The following MAP3K11 variants were observed in gnomAD, a reference collection of about 807,000 sequenced individuals.
MAP3K11 encodes the protein SH3 domain-containing proline-rich kinase.
In MAP3K11, 46 loss-of-function variants were observed where a neutral mutation model predicts 84.9. The observed-to-expected ratio is 0.54, with a 90% CI of 0.43 to 0.69. MAP3K11 has a LOEUF of 0.69. Ranked by LOEUF, MAP3K11 falls within the 30% of genes least tolerant of loss-of-function variation. The pLI is 0.00. For missense variants in MAP3K11, 1,053 were observed against 1,198.3 expected, an observed-to-expected ratio of 0.88 and a Z score of 1.79; for synonymous variants, 527 against 514.7, an observed-to-expected ratio of 1.02 and a Z score of -0.32.
At position 65,607,267 on chromosome 11, in the gene MAP3K11, C is replaced by T; in HGVS notation, c.1489+3G>A. ...GGGGGACGCCCCGGGGCCCGGCCCTCACCGAGTGGCATGCTGATACGCTCG... is the reference window on the plus strand; with the variant it reads ...GGGGGACGCCCCGGGGCCCGGCCCTTACCGAGTGGCATGCTGATACGCTCG... On this transcript the variant is annotated splice_donor_region_variant and intron_variant, in intron 5 of 9. Transcript: ENST00000309100. The T allele has an allele frequency of 6.6e-7, 1 of 1,511,820 alleles. No individual in the cohort carries two copies. Among genetic ancestry groups the T allele is most frequent in the African/African-American group, 1.4e-5 (1 of 69,802 alleles). The allele number at this position is 1,511,820 out of a possible 1,614,324, so 93.7% of individuals were successfully genotyped here.
intron 6 of MAP3K11, 90 bp downstream of exon 6, chr11:65,606,601 T>TCC: frequency 2.1e-6 from 2 of 940,642 alleles, no homozygotes; most frequent in Non-Finnish European, 3.2e-6. Flanking sequence ...GAAGAGGGGA[T>TCC]AGTGAGTGGG....
Position 65,599,659 on chromosome 11 carries a change from G to A in MAP3K11, c.1941C>T (p.Arg647=), listed in dbSNP as rs565496001. The A allele has an allele frequency of 1.5e-4, 225 of 1,548,316 alleles. No individual in the cohort carries two copies. The highest frequency in any genetic ancestry group is 1.8e-4 in the Non-Finnish European group (204 of 1,151,652). Residue 647 remains arginine, a synonymous_variant, in exon 9 of 10, where the codon CGC becomes CGT. Coordinates refer to ENST00000309100, the MANE Select transcript of MAP3K11 (RefSeq NM_002419.4). ...CCAGCGAGGCGAGCAGGGCGGTGCC[G>A]CGCAGCAGCGCCCGCTGGATCAGCT... The part of the protein sequence containing the change: ...TPKLIQRALL[R]GTALLASLGL...
chr11:65,606,671 T>G lies in MAP3K11; in HGVS notation c.1603+20A>C. The G allele has an allele frequency of 3.4e-4, 517 of 1,523,686 alleles. No individual in the cohort carries two copies. Among genetic ancestry groups the G allele is most frequent in the Non-Finnish European group, 4.2e-4 (471 of 1,115,726 alleles). The allele number at this position is 1,523,686 out of a possible 1,614,324, so 94.4% of individuals were successfully genotyped here. A position where few individuals can be genotyped will look rare whatever the true frequency, so the allele number is the denominator to read the frequency against. ...AGGAGCTGGGGGGCGGAGAGGGGCA[T>G]GAGAGGTGAAGTTTCTTACACTGGA... On this transcript the variant is annotated intron_variant, in intron 6 of 9. Coordinates refer to ENST00000309100, the MANE Select transcript of MAP3K11 (RefSeq NM_002419.4).
chr11:65,598,349 C>T lies in MAP3K11; in HGVS notation c.2486G>A (p.Arg829Lys). 2.6e-6 allele frequency: 4 copies of T among 1,528,946 alleles called. No individual in the cohort carries two copies. The highest frequency in any genetic ancestry group is 3.5e-6 in the Non-Finnish European group (4 of 1,136,622). 94.7% of individuals were successfully genotyped at this position (1,528,946 alleles called of 1,614,324 possible). A position where few individuals can be genotyped will look rare whatever the true frequency, so the allele number is the denominator to read the frequency against. The change falls in exon 10 of 10, where the codon AGG becomes AAG. Residue 829 changes from arginine to lysine, a missense_variant. Arg to Lys is a conservative substitution (Grantham distance 26). Around this residue, in one of 3 missense-constraint regions of MAP3K11, gnomAD observed 583 missense variants for 566.6 expected, o/e 1.03. Transcript: ENST00000309100. ...NPFQGGPQDCRAQTKDMGAQA... is the reference protein window; with the variant it reads ...NPFQGGPQDCKAQTKDMGAQA... ...GGCACCCATGTCTTTGGTCTGTGCC[C>T]TGCAGTCCTGGGGGCCCCCCTGGAA...
chr11:65,603,439 C>T (rs1854475895), intron 8 of MAP3K11, among the ~76,000 whole-genome samples: 2 of 152,264 alleles, frequency 1.3e-5, no homozygotes. Flanking sequence ...AGGGCAGTTG[C>T]TATCAGCGTA....
intron 2 of MAP3K11, 36 bp downstream of exon 2, chr11:65,608,232 C>T (rs1003469806): frequency 1.2e-6 from 2 of 1,604,844 alleles, no homozygotes; most frequent in African/African-American, 2.7e-5. Context: ...CTCTGCAGCC[C>T]CGTAGCAGCC....
Position 65,606,668 on chromosome 11 carries a change from G to C in MAP3K11, c.1603+23C>G, listed in dbSNP as rs1443538532. 1.3e-6 allele frequency: 2 copies of C among 1,519,464 alleles called. 1 individual carries two copies. The highest frequency in any genetic ancestry group is 2.4e-5 in the South Asian group (2 of 84,022). 94.1% of individuals were successfully genotyped at this position (1,519,464 alleles called of 1,614,324 possible). On this transcript the variant is annotated intron_variant, in intron 6 of 9. Coordinates refer to ENST00000309100, the MANE Select transcript of MAP3K11 (RefSeq NM_002419.4). Reference sequence around the variant, plus strand: ...ATAAGGAGCTGGGGGGCGGAGAGGGGCATGAGAGGTGAAGTTTCTTACACT... The same window carrying C: ...ATAAGGAGCTGGGGGGCGGAGAGGGCCATGAGAGGTGAAGTTTCTTACACT...
intron 1 of MAP3K11, chr11:65,612,263 T>C (rs1174861530): frequency 1.3e-5 from 2 of 152,328 alleles, no homozygotes; most frequent in Non-Finnish European, 2.9e-5. Flanking sequence ...TCTTGGGCCA[T>C]GATGGGCAGC....
intron 8 of MAP3K11, among the ~76,000 whole-genome samples, chr11:65,600,441 C>CA (rs980686873): frequency 2.0e-5 from 3 of 152,188 alleles, no homozygotes; most frequent in African/African-American, 7.2e-5. Context: ...GTTCCAGGCT[C>CA]AGAGAGGTTG....
At chr11:65,598,742 T>C in intron 9 of MAP3K11, 114 bp from the exon 10 acceptor site, 1 of 729,038 alleles carries the variant, frequency 1.4e-6, no homozygotes, top group Non-Finnish European at 2.0e-6. Context: ...CCTACTTGAC[T>C]CAACTTCCAC....
In MAP3K11 at chr11:65,608,052, C is replaced by T; in HGVS notation, c.939G>A (p.Trp313Ter). The change falls in exon 3 of 10, where the codon TGG (tryptophan) becomes TGA (stop). Residue 313 changes from tryptophan (W) to a stop codon, truncating the protein, a stop_gained. Coordinates refer to ENST00000309100, the MANE Select transcript of MAP3K11 (RefSeq NM_002419.4). LOFTEE classifies it high-confidence loss of function. ...ATGGCACCTCCCCGGTCAGCAGTTC[C>T]CACAGCAGCACCCCAAAACTGTGGG... is the stretch of plus-strand genomic sequence containing the variant. ...SDVWSFGVLL[W>*]ELLTGEVPYR... The T allele has an allele frequency of 6.2e-7, 1 of 1,614,176 alleles. No homozygotes were observed. Among genetic ancestry groups the T allele is most frequent in the Non-Finnish European group, 8.5e-7 (1 of 1,180,014 alleles).
At position 65,599,751 on chromosome 11, in the gene MAP3K11, T is replaced by C. The variant is rs758121140; in HGVS notation, c.1849A>G (p.Ser617Gly). 2 of 1,593,176 alleles carry C rather than the reference T, an allele frequency of 1.3e-6. No homozygotes were observed. The highest frequency in any genetic ancestry group is 1.7e-5 in the Admixed American group (1 of 59,124). ...CTCTTGGGCTCCTCGGGCTCCAGGC[T>C]AGGCCGCGGGGGGTTACCTGCGGGC... Reference protein sequence around the residue: ...PALNGNPPRPSLEPEEPKRPV... With the variant: ...PALNGNPPRPGLEPEEPKRPV... Residue 617 changes from serine to glycine, a missense_variant, in exon 9 of 10, where the codon AGC becomes GGC. Around this residue, in one of 3 missense-constraint regions of MAP3K11, gnomAD observed 583 missense variants for 566.6 expected, o/e 1.03. Transcript: ENST00000309100.
chr11:65,603,384 A>T (rs1854475233), intron 8 of MAP3K11, among the ~76,000 whole-genome samples: 1 of 152,260 alleles, frequency 6.6e-6, no homozygotes, highest in Non-Finnish European at 1.5e-5. Context: ...TCTCACAGGG[A>T]GGACACAGCC....
At chr11:65,604,691 T>C (rs571761427) in intron 8 of MAP3K11, among the ~76,000 whole-genome samples, 1 of 150,704 alleles carries the variant, frequency 6.6e-6, no homozygotes, top group African/African-American at 2.4e-5. Flanking sequence ...GTTACAACTA[T>C]CAAGTGTAGC....
chr11:65,602,891 G>A (rs1854470509), intron 8 of MAP3K11, among the ~76,000 whole-genome samples: 2 of 152,090 alleles, frequency 1.3e-5, no homozygotes, highest in South Asian at 4.2e-4. Flanking sequence ...GGGGTGGGTG[G>A]ACTACTTAAG....
intron 8 of MAP3K11, among the ~76,000 whole-genome samples, chr11:65,603,540 A>T (rs1854476905): frequency 1.3e-5 from 2 of 152,070 alleles, no homozygotes; most frequent in African/African-American, 4.8e-5. Context: ...GGTGTGTGTG[A>T]CTCTCCAGTG....
intron 5 of MAP3K11, 200 bp downstream of exon 5, chr11:65,607,070 C>T: frequency 1.2e-6 from 1 of 837,026 alleles, no homozygotes; most frequent in Non-Finnish European, 1.7e-6. Flanking sequence ...TTCCCACTCC[C>T]AGACCGACAT....
At chr11:65,600,358 G>T (rs1169247595) in intron 8 of MAP3K11, among the ~76,000 whole-genome samples, 1 of 152,236 alleles carries the variant, frequency 6.6e-6, no homozygotes, top group Non-Finnish European at 1.5e-5. Flanking sequence ...CTAATTTACA[G>T]AGTATGTATT....
In MAP3K11 at chr11:65,598,514, C is replaced by T; in HGVS notation, c.2321G>A (p.Ser774Asn). Residue 774 changes from serine to asparagine, a missense_variant, in exon 10 of 10, where the codon AGC (serine) becomes AAC (asparagine). By Grantham distance (46) the Ser-to-Asn change is conservative (BLOSUM62 1). This residue lies in a region of MAP3K11 where 583 missense variants were observed against 566.6 expected (regional missense o/e 1.03). Coordinates refer to ENST00000309100, the MANE Select transcript of MAP3K11 (RefSeq NM_002419.4). ...CACAAAGCTCCAGGGATCAATGCGGCTGCGAAGGGGCGAGGGCCGAGGTCG... is the reference window on the plus strand; with the variant it reads ...CACAAAGCTCCAGGGATCAATGCGGTTGCGAAGGGGCGAGGGCCGAGGTCG... ...ISRPRPSPLR[S>N]RIDPWSFVSA... The T allele has an allele frequency of 4.3e-6, 7 of 1,613,444 alleles. No individual in the cohort carries two copies. The highest frequency in any genetic ancestry group is 5.9e-6 in the Non-Finnish European group (7 of 1,179,708).
Sources: allele counts gnomAD v4.1 joint callset (sites outside exome capture counted in the v4.1 genomes callset), GRCh38; gene constraint gnomAD v4.1.1; regional missense constraint gnomAD v4.1.1; transcripts MANE v1.5; gene names NCBI Gene and HGNC (gene_info 2026-07-23, HGNC 2026-07-21).